CDC42SE2: variants seen among roughly 807,000 people sequenced by gnomAD.
CDC42SE2 encodes the protein CDC42 small effector 2.
Under a neutral mutation model 11.5 loss-of-function variants are expected in CDC42SE2, and 3 were observed. The ratio of observed to expected loss-of-function variants is 0.26; its 90% confidence interval spans 0.12 to 0.67. CDC42SE2 has a LOEUF of 0.67. CDC42SE2 is among the 30% of genes least tolerant of loss of function. The pLI, the probability that CDC42SE2 is intolerant of heterozygous loss-of-function variation, is 0.80. For missense variants in CDC42SE2, 82 were observed against 106.8 expected, an observed-to-expected ratio of 0.77 and a Z score of 1.02; for synonymous variants, 33 against 34.8, an observed-to-expected ratio of 0.95 and a Z score of 0.18.
At chr5:131,292,069 C>G (rs920076555) in intron 1 of CDC42SE2, among the ~76,000 whole-genome samples, 1 of 151,338 alleles carries the variant, frequency 6.6e-6, no homozygotes, top group Non-Finnish European at 1.5e-5. Context: ...TGGTGAAACC[C>G]CATCTCTACT....
chr5:131,350,348 A>G (rs1254049193), intron 2 of CDC42SE2, among the ~76,000 whole-genome samples: 2 of 151,890 alleles, frequency 1.3e-5, no homozygotes, highest in Non-Finnish European at 2.9e-5. Context: ...ATACAAAAAA[A>G]AAGAAAAAGC....
intron 1 of CDC42SE2, among the ~76,000 whole-genome samples, chr5:131,288,958 A>G (rs1337845125): frequency 6.6e-6 from 1 of 152,316 alleles, no homozygotes; most frequent in East Asian, 1.9e-4. Flanking sequence ...AGTATTATTT[A>G]TTAATAGTAT....
chr5:131,359,414 T>C lies in CDC42SE2; in HGVS notation c.-80T>C, dbSNP rs535034160. Reference sequence around the variant, plus strand: ...ATCTTGGCATCACTGGACATCATCGTATTGAGGAGCGTATTTTTGGAACTT... The same window carrying C: ...ATCTTGGCATCACTGGACATCATCGCATTGAGGAGCGTATTTTTGGAACTT... On this transcript the variant is annotated 5_prime_UTR_variant, in exon 3 of 5. Transcript: ENST00000505065. 46 of 972,776 alleles carry C rather than the reference T, an allele frequency of 4.7e-5. No homozygotes were observed. The East Asian group carries it at 1.1e-3, about 23-fold the overall frequency. 60.3% of individuals were successfully genotyped at this position (972,776 alleles called of 1,614,324 possible).
At chr5:131,354,229 C>A (rs1749464770) in intron 2 of CDC42SE2, among the ~76,000 whole-genome samples, 1 of 151,902 alleles carries the variant, frequency 6.6e-6, no homozygotes, top group Non-Finnish European at 1.5e-5. Flanking sequence ...CAAAGCAAGA[C>A]CCTGTCTCAA....
intron 3 of CDC42SE2, among the ~76,000 whole-genome samples, chr5:131,380,187 G>C (rs1271148646): frequency 6.6e-6 from 1 of 152,092 alleles, no homozygotes; most frequent in Non-Finnish European, 1.5e-5. Context: ...GTGGTGATTT[G>C]TGGATTTTGG....
At chr5:131,348,463 T>A (rs776705140) in intron 2 of CDC42SE2, among the ~76,000 whole-genome samples, 2 of 152,116 alleles carry the variant, frequency 1.3e-5, no homozygotes, top group Non-Finnish European at 2.9e-5. Flanking sequence ...CAAGGAGAAC[T>A]ACAAACCATT....
At chr5:131,298,694 A>G (rs1757622229) in intron 1 of CDC42SE2, among the ~76,000 whole-genome samples, 1 of 152,038 alleles carries the variant, frequency 6.6e-6, no homozygotes, top group South Asian at 2.1e-4. Context: ...TTGGTACCCC[A>G]TAACAAGTTG....
intron 3 of CDC42SE2, among the ~76,000 whole-genome samples, chr5:131,385,211 T>C (rs1440069212): frequency 1.3e-5 from 2 of 152,232 alleles, no homozygotes; most frequent in Non-Finnish European, 2.9e-5. Flanking sequence ...ACTGTGTTCT[T>C]TGCCAACAAT....
chr5:131,240,104 T>G, the CDC42SE2 span, among the ~76,000 whole-genome samples: 1 of 152,234 alleles, frequency 6.6e-6, no homozygotes, highest in Non-Finnish European at 1.5e-5. Flanking sequence ...TATCAGCAAT[T>G]TCTGGCACCA....
intron 1 of CDC42SE2, among the ~76,000 whole-genome samples, chr5:131,307,929 G>C (rs1757814379): frequency 6.6e-6 from 1 of 152,216 alleles, no homozygotes; most frequent in Middle Eastern, 3.4e-3. Flanking sequence ...TTTTTTGCTT[G>C]TAAATTTGTT....
chr5:131,344,382 C>T (rs1050879532), intron 2 of CDC42SE2, among the ~76,000 whole-genome samples: 1 of 152,178 alleles, frequency 6.6e-6, no homozygotes, highest in Non-Finnish European at 1.5e-5. Context: ...GGTCCCATGC[C>T]CACGGAGCCT....
At chr5:131,353,992 C>T (rs545173722) in intron 2 of CDC42SE2, among the ~76,000 whole-genome samples, 139 of 152,212 alleles carry the variant, frequency 9.1e-4, no homozygotes, top group African/African-American at 3.3e-3. Flanking sequence ...CTAATCCCAG[C>T]ATTTTGGGAG....
At chr5:131,305,244 G>A (rs1159728542) in intron 1 of CDC42SE2, among the ~76,000 whole-genome samples, 2 of 152,118 alleles carry the variant, frequency 1.3e-5, no homozygotes, top group South Asian at 4.1e-4. Context: ...CCATTCTCCA[G>A]TTGATGAATT....
At chr5:131,310,506 G>A (rs1485529816) in intron 1 of CDC42SE2, among the ~76,000 whole-genome samples, 6 of 151,872 alleles carry the variant, frequency 4.0e-5, no homozygotes, top group East Asian at 1.9e-4. Context: ...TATCCTTGTT[G>A]ACTTTCTGTC....
intron 2 of CDC42SE2, among the ~76,000 whole-genome samples, chr5:131,341,289 T>C (rs1224892835): frequency 6.6e-6 from 1 of 152,174 alleles, no homozygotes; most frequent in Non-Finnish European, 1.5e-5. Context: ...AATGTTTAAC[T>C]CTTCTAGAAG....
intron 2 of CDC42SE2, among the ~76,000 whole-genome samples, chr5:131,331,456 C>T (rs1046394490): frequency 6.6e-6 from 1 of 152,146 alleles, no homozygotes; most frequent in African/African-American, 2.4e-5. Context: ...TCTTAAATTA[C>T]TGTGTCTGAG....
At chr5:131,236,108 T>G in the CDC42SE2 span, among the ~76,000 whole-genome samples, 1 of 152,210 alleles carries the variant, frequency 6.6e-6, no homozygotes, top group African/African-American at 2.4e-5. Context: ...TTTCTTGTGT[T>G]TATCATATTA....
At chr5:131,283,445 T>G (rs1444128024) in intron 1 of CDC42SE2, among the ~76,000 whole-genome samples, 1 of 152,226 alleles carries the variant, frequency 6.6e-6, no homozygotes, top group Non-Finnish European at 1.5e-5. Flanking sequence ...CTTTTTTCAT[T>G]TAGCATAATG....
Position 131,392,217 on chromosome 5 carries a change from AGGACCTGCTATT to A in CDC42SE2, c.*1127_*1138del, listed in dbSNP as rs1750680239. The A allele has an allele frequency of 6.5e-6, 1 of 152,748 alleles. No homozygotes were observed. Among genetic ancestry groups the A allele is most frequent in the African/African-American group, 2.4e-5 (1 of 41,434 alleles). 9.5% of individuals were successfully genotyped at this position (152,748 alleles called of 1,614,324 possible). On this transcript the variant is annotated 3_prime_UTR_variant, in exon 5 of 5. Transcript: ENST00000505065. ...TGCCTTACGATTTTATTGGAAAGCAAGGACCTGCTATTATTTGTTAATTTGCCATCATTTATG... is the reference window on the plus strand; with the variant it reads ...TGCCTTACGATTTTATTGGAAAGCAAATTTGTTAATTTGCCATCATTTATG...
Sources: gnomAD v4.1 joint callset for allele counts (sites outside exome capture counted in the v4.1 genomes callset) on GRCh38, gnomAD v4.1.1 for gene constraint, MANE v1.5 for transcripts, NCBI Gene and HGNC (gene_info 2026-07-23, HGNC 2026-07-21) for gene names.